The following NUMB variants were observed in gnomAD, a reference collection of about 807,000 sequenced individuals.
NUMB encodes protein numb homolog.
In NUMB, 29 loss-of-function variants were observed where a neutral mutation model predicts 59.7. The ratio of observed to expected loss-of-function variants is 0.49; its 90% CI spans 0.36 to 0.66. The LOEUF (loss-of-function observed/expected upper bound fraction) is 0.66, where lower values mean the gene tolerates loss of function less well. Among genes scored for constraint, NUMB ranks in the 30% least tolerant of loss-of-function variants. NUMB has a pLI of 0.00. For synonymous variants in NUMB, 288 were observed against 288.2 expected (o/e 1.00, Z 0.01); for missense variants, 723 against 822.0 (o/e 0.88, Z 1.47).
At chr14:73,431,005 C>T (rs1897803533) in intron 1 of NUMB, among the ~76,000 whole-genome samples, 1 of 151,970 alleles carries the variant, frequency 6.6e-6, no homozygotes, top group Admixed American at 6.6e-5. Flanking sequence ...GTCACCTAAG[C>T]TGGAGTACAG....
chr14:73,401,726 C>T (rs1421381367), intron 2 of NUMB, among the ~76,000 whole-genome samples: 1 of 151,990 alleles, frequency 6.6e-6, no homozygotes. Flanking sequence ...CCTGCCACCA[C>T]GCCCAGCTAA....
intron 1 of NUMB, among the ~76,000 whole-genome samples, chr14:73,443,786 G>A (rs967394182): frequency 6.6e-6 from 1 of 151,992 alleles, no homozygotes; most frequent in Non-Finnish European, 1.5e-5. Flanking sequence ...GAGTGGCTGG[G>A]ATTACAGACG....
At chr14:73,422,054 G>T (rs542377203) in intron 1 of NUMB, among the ~76,000 whole-genome samples, 11 of 151,932 alleles carry the variant, frequency 7.2e-5, no homozygotes, top group Admixed American at 2.0e-4. Context: ...TGAGGCAAGA[G>T]AATCGCTTGA....
At chr14:73,338,335 T>C (rs1892459388) in intron 4 of NUMB, among the ~76,000 whole-genome samples, 1 of 152,152 alleles carries the variant, frequency 6.6e-6, no homozygotes, top group Non-Finnish European at 1.5e-5. Flanking sequence ...CGTTCTCTTG[T>C]GACACTTTAC....
intron 2 of NUMB, among the ~76,000 whole-genome samples, chr14:73,402,474 T>C (rs548177537): frequency 1.1e-4 from 16 of 152,336 alleles, no homozygotes; most frequent in Admixed American, 5.9e-4. Flanking sequence ...GAGAGATTAA[T>C]TGATTTGCCT....
chr14:73,354,731 G>A (rs1893680196), intron 4 of NUMB, among the ~76,000 whole-genome samples: 1 of 144,078 alleles, frequency 6.9e-6, no homozygotes, highest in Non-Finnish European at 1.5e-5. Flanking sequence ...AGGAGGCACA[G>A]GCAAGAGAAT....
At chr14:73,446,311 T>TA (rs911223749) in intron 1 of NUMB, among the ~76,000 whole-genome samples, 220 of 150,918 alleles carry the variant, frequency 1.5e-3, no homozygotes, top group African/African-American at 4.8e-3. Context: ...AAAATAACTT[T>TA]AAAAAAAAAT....
At chr14:73,325,675 T>C (rs759741407) in intron 4 of NUMB, among the ~76,000 whole-genome samples, 1 of 152,042 alleles carries the variant, frequency 6.6e-6, no homozygotes, top group Non-Finnish European at 1.5e-5. Context: ...CAAAAGCGAG[T>C]GCTGTGATAC....
chr14:73,332,442 T>G (rs550514501), intron 4 of NUMB, among the ~76,000 whole-genome samples: 5 of 151,754 alleles, frequency 3.3e-5, no homozygotes, highest in African/African-American at 1.2e-4. Context: ...TTAGTAGAGA[T>G]AGAGTTTCAC....
chr14:73,406,002 G>A (rs770391184), intron 2 of NUMB, among the ~76,000 whole-genome samples: 1 of 151,944 alleles, frequency 6.6e-6, no homozygotes, highest in Non-Finnish European at 1.5e-5. Context: ...CACTGCCAAA[G>A]CTCAGAAAAC....
intron 5 of NUMB, among the ~76,000 whole-genome samples, chr14:73,319,826 A>G (rs1389419777): frequency 6.6e-6 from 1 of 152,120 alleles, no homozygotes. Flanking sequence ...ATAGCTCTAG[A>G]AAGAGTATTT....
chr14:73,437,012 A>G (rs1477099745), intron 1 of NUMB, among the ~76,000 whole-genome samples: 1 of 146,576 alleles, frequency 6.8e-6, no homozygotes, highest in Non-Finnish European at 1.5e-5. Flanking sequence ...ACTCTTAAAT[A>G]TATTTGTACC....
chr14:73,328,802 C>G (rs918966104), intron 4 of NUMB, among the ~76,000 whole-genome samples: 2 of 152,140 alleles, frequency 1.3e-5, no homozygotes, highest in African/African-American at 4.8e-5. Flanking sequence ...TAATAATACA[C>G]TCTGGGTTCA....
chr14:73,279,325 T>C lies in NUMB; in HGVS notation c.1196A>G (p.His399Arg). 1 of 1,614,118 alleles carries C rather than the reference T, an allele frequency of 6.2e-7. No individual in the cohort carries two copies. The highest frequency in any genetic ancestry group is 8.5e-7 in the Non-Finnish European group (1 of 1,179,974). ...MPVRETNPWAHAPDAANKEIA... is the reference protein window; with the variant it reads ...MPVRETNPWARAPDAANKEIA... ...TTCCTTGTTAGCAGCATCAGGGGCA[T>C]GGGCCCAAGGGTTGGTTTCACGCAC... The change falls in exon 12 of 13, where the codon CAT (histidine) becomes CGT (arginine). Residue 399 changes from histidine to arginine, a missense_variant. This residue lies in a region of NUMB where 406 missense variants were observed against 385.4 expected (regional missense o/e 1.05). Coordinates refer to ENST00000555238, the MANE Select transcript of NUMB (RefSeq NM_001005743.2).
chr14:73,433,210 T>C (rs1897907583), intron 1 of NUMB, among the ~76,000 whole-genome samples: 1 of 150,724 alleles, frequency 6.6e-6, no homozygotes, highest in South Asian at 2.1e-4. Context: ...TCACTTGAGG[T>C]CAGGAGTTCA....
At chr14:73,403,501 G>A (rs1483358570) in intron 2 of NUMB, among the ~76,000 whole-genome samples, 1 of 152,224 alleles carries the variant, frequency 6.6e-6, no homozygotes, top group Non-Finnish European at 1.5e-5. Flanking sequence ...TGCTCAGGAA[G>A]CTGTGAGAAG....
intron 11 of NUMB, among the ~76,000 whole-genome samples, chr14:73,279,640 TAA>T (rs1888474814): frequency 6.6e-6 from 1 of 152,236 alleles, no homozygotes; most frequent in Admixed American, 6.5e-5. Flanking sequence ...GTTGTATAGA[TAA>T]AGTCAAATAA....
At chr14:73,400,544 T>C (rs1446838626) in intron 2 of NUMB, among the ~76,000 whole-genome samples, 1 of 152,182 alleles carries the variant, frequency 6.6e-6, no homozygotes. Flanking sequence ...TCTGGAGTGA[T>C]GAGTATCTTT....
At chr14:73,356,570 G>C (rs910881204) in intron 3 of NUMB, among the ~76,000 whole-genome samples, 10 of 152,194 alleles carry the variant, frequency 6.6e-5, no homozygotes, top group African/African-American at 2.4e-4. Flanking sequence ...TTGAACTCAA[G>C]AGGTGGAGGT....
Sources: allele counts gnomAD v4.1 joint callset (sites outside exome capture counted in the v4.1 genomes callset), GRCh38; gene constraint gnomAD v4.1.1; regional missense constraint gnomAD v4.1.1; transcripts MANE v1.5; gene names NCBI Gene and HGNC (gene_info 2026-07-23, HGNC 2026-07-21).